Variants in ADGRE2 observed in about 807,000 individuals in gnomAD.
ADGRE2 encodes the protein CD97 antigen.
Under a neutral mutation model 100.8 loss-of-function variants are expected in ADGRE2, and 83 were observed. The observed-to-expected ratio is 0.82, with a 90% CI of 0.69 to 0.99. The LOEUF (loss-of-function observed/expected upper bound fraction) is 0.99. ADGRE2 is among the 50% of genes least tolerant of loss of function. The probability of loss-of-function intolerance (pLI) is 0.00; values close to 1 mark genes in which losing one functional copy is unlikely to be tolerated. For synonymous variants in ADGRE2, 355 were observed against 413.0 expected (o/e 0.86, Z 1.70); for missense variants, 814 against 1,035.7 (o/e 0.79, Z 2.94).
At position 14,736,162 on chromosome 19, in the gene ADGRE2, T is replaced by A; in HGVS notation, c.*74A>T. Reference sequence around the variant, plus strand: ...AACACACAGAACAAAGTCTTTTCTTTCCCCTCTAGATGGCTCAAAGATTGT... The same window carrying A: ...AACACACAGAACAAAGTCTTTTCTTACCCCTCTAGATGGCTCAAAGATTGT... On this transcript the variant is annotated 3_prime_UTR_variant, in exon 21 of 21. Coordinates refer to ENST00000315576, the MANE Select transcript of ADGRE2 (RefSeq NM_013447.4). The A allele has an allele frequency of 7.2e-7, 1 of 1,392,302 alleles. No homozygotes were observed. Among genetic ancestry groups the A allele is most frequent in the Middle Eastern group, 1.8e-4 (1 of 5,530 alleles). 86.2% of individuals were successfully genotyped at this position (1,392,302 alleles called of 1,614,324 possible).
At position 14,732,652 on chromosome 19, in the gene ADGRE2, TAAAAAG is replaced by T; in HGVS notation, c.*3578_*3583del. On this transcript the variant is annotated 3_prime_UTR_variant, in exon 21 of 21. Coordinates refer to ENST00000315576, the MANE Select transcript of ADGRE2 (RefSeq NM_013447.4). ...CATTTTTCAAATGGGTGAAAACAAA[TAAAAAG>T]AAGAATGATATTTTGTGTCACATGA... The T allele has an allele frequency of 6.6e-6, 1 of 152,148 alleles. No individual in the cohort carries two copies. The highest frequency in any genetic ancestry group is 1.5e-5 in the Non-Finnish European group (1 of 68,020). The allele number at this position is 152,148 out of a possible 1,614,324, so 9.4% of individuals were successfully genotyped here. A position where few individuals can be genotyped will look rare whatever the true frequency, so the allele number is the denominator to read the frequency against.
intron 20 of ADGRE2, among the ~76,000 whole-genome samples, chr19:14,738,474 G>A (rs992116623): frequency 2.0e-5 from 3 of 152,058 alleles, no homozygotes; most frequent in Non-Finnish European, 2.9e-5. Context: ...GACCTCCTGG[G>A]CTCAAGCAAT....
At chr19:14,759,981 G>C (rs1373803506) in intron 11 of ADGRE2, among the ~76,000 whole-genome samples, 2 of 151,936 alleles carry the variant, frequency 1.3e-5, no homozygotes, top group African/African-American at 2.4e-5. Flanking sequence ...ACCACGCCTG[G>C]CTAATTTTTT....
chr19:14,772,546 T>C (rs1235265716), intron 4 of ADGRE2, 49 bp from the exon 5 acceptor site: 2 of 1,604,522 alleles, frequency 1.2e-6, no homozygotes, highest in African/African-American at 2.7e-5. Flanking sequence ...GTGAGTTCCG[T>C]CAGGGCAGAG....
At chr19:14,772,802 G>A (rs551437320) in intron 4 of ADGRE2, among the ~76,000 whole-genome samples, 8 of 151,150 alleles carry the variant, frequency 5.3e-5, no homozygotes, top group South Asian at 2.1e-4. Context: ...CATGGCAGCC[G>A]GGTGCAGTGG....
intron 5 of ADGRE2, among the ~76,000 whole-genome samples, chr19:14,769,759 T>G (rs1020114356): frequency 6.6e-6 from 1 of 152,090 alleles, no homozygotes. Context: ...AGTGCAGTGG[T>G]GCCATCTCGG....
At position 14,750,285 on chromosome 19, in the gene ADGRE2, T is replaced by A. The variant is rs10405977; in HGVS notation, c.2024+1151A>T. Among the ~76,000 whole-genome samples the A allele has an allele frequency of 5.1e-5, 4 of 78,720 alleles. 1 individual carries two copies. The highest frequency in any genetic ancestry group is 1.6e-4 in the African/African-American group (4 of 24,720). 51.6% of individuals were successfully genotyped at this position (78,720 alleles called of 152,430 possible). A position where few individuals can be genotyped will look rare whatever the true frequency, so the allele number is the denominator to read the frequency against. On this transcript the variant is annotated intron_variant, in intron 16 of 20. Transcript: ENST00000315576. ...ATAATTATATAATTATATGATTATC[T>A]AATTATGTGATCATATAATTTTTAC...
At chr19:14,741,472 C>CTTTTTTTTTTTTTTTTTTTTTTTTTTT in intron 20 of ADGRE2, 1 of 77,304 alleles carries the variant, frequency 1.3e-5, no homozygotes, top group Non-Finnish European at 2.3e-5. Flanking sequence ...CTGTACATTT[C>CTTTTTTTTTTTTTTTTTTTTTTTTTTT]TTTTTTTTTT....
chr19:14,724,850 T>C, the ADGRE2 span, among the ~76,000 whole-genome samples: 2 of 152,224 alleles, frequency 1.3e-5, no homozygotes, highest in Non-Finnish European at 2.9e-5. Context: ...GCATTAATTC[T>C]TTCCGTGAAA....
downstream of ADGRE2, chr19:14,732,364 A>G (rs1164291429): frequency 6.6e-6 from 1 of 152,208 alleles, no homozygotes; most frequent in Non-Finnish European, 1.5e-5. Context: ...TAGGGTAAGC[A>G]TACTTTTATG....
chr19:14,747,155 C>G (rs1374149521), intron 16 of ADGRE2, among the ~76,000 whole-genome samples, 193 bp from the exon 17 acceptor site: 1 of 151,972 alleles, frequency 6.6e-6, no homozygotes, highest in Non-Finnish European at 1.5e-5. Flanking sequence ...GGTCTTAGAT[C>G]CCCAAAATTT....
At chr19:14,762,335 T>C (rs776375977) in intron 11 of ADGRE2, among the ~76,000 whole-genome samples, 1 of 152,138 alleles carries the variant, frequency 6.6e-6, no homozygotes, top group Non-Finnish European at 1.5e-5. Context: ...ATAAATGCTA[T>C]GGCATGCATG....
intron 2 of ADGRE2, among the ~76,000 whole-genome samples, chr19:14,774,802 T>C (rs12459485): frequency 0.52 from 75,516 of 145,300 alleles, 20,293 homozygotes; most frequent in Middle Eastern, 0.6. Context: ...ACCTCCCAAA[T>C]AGCTGGGACT....
chr19:14,767,647 C>T (rs796437783), intron 5 of ADGRE2, among the ~76,000 whole-genome samples: 10 of 152,292 alleles, frequency 6.6e-5, no homozygotes, highest in African/African-American at 2.4e-4. Context: ...CCCCATCTCC[C>T]CTGCCTCCCT....
intron 2 of ADGRE2, among the ~76,000 whole-genome samples, chr19:14,775,419 T>G (rs1338094464): frequency 6.6e-6 from 1 of 152,098 alleles, no homozygotes; most frequent in Admixed American, 6.6e-5. Flanking sequence ...CCTCCCTAGC[T>G]TGGCTTGGGG....
intron 11 of ADGRE2, among the ~76,000 whole-genome samples, chr19:14,758,289 C>T (rs1340878271): frequency 6.6e-6 from 1 of 152,194 alleles, no homozygotes; most frequent in African/African-American, 2.4e-5. Context: ...GATCTACTAT[C>T]AGAATGTTTA....
At chr19:14,731,114 T>A, downstream of ADGRE2, 2 of 1,356,740 alleles carry the variant, frequency 1.5e-6, no homozygotes, top group Non-Finnish European at 2.0e-6. Context: ...GATTGGCCCC[T>A]TTATTCATTC....
intron 2 of ADGRE2, among the ~76,000 whole-genome samples, chr19:14,774,517 T>C (rs972243675): frequency 6.6e-6 from 1 of 151,376 alleles, no homozygotes; most frequent in Non-Finnish European, 1.5e-5. Context: ...GGTTTTGTTT[T>C]GTTTTGTTTG....
chr19:14,771,084 C>T (rs745817966), intron 5 of ADGRE2, among the ~76,000 whole-genome samples: 16 of 152,148 alleles, frequency 1.1e-4, no homozygotes, highest in Non-Finnish European at 1.9e-4. Flanking sequence ...ACCAGCCCCC[C>T]TGCTGGGCTC....
Sources: gnomAD v4.1 joint callset for allele counts (sites outside exome capture counted in the v4.1 genomes callset) on GRCh38, gnomAD v4.1.1 for gene constraint, MANE v1.5 for transcripts, NCBI Gene and HGNC (gene_info 2026-07-23, HGNC 2026-07-21) for gene names.